The following PGAP6 variants were observed in gnomAD, a reference collection of about 807,000 sequenced individuals.
The protein encoded by PGAP6 is post-GPI attachment to proteins 6.
In PGAP6, 62 loss-of-function variants were observed where a neutral mutation model predicts 68.4. That is an observed-to-expected ratio of 0.91 (90% confidence interval 0.74 to 1.12). The LOEUF (loss-of-function observed/expected upper bound fraction) is 1.12. Among genes scored for constraint, PGAP6 ranks in the 50% most tolerant of loss-of-function variants. The probability of loss-of-function intolerance (pLI) is 0.00; values close to 1 mark genes in which losing one functional copy is unlikely to be tolerated. For synonymous variants in PGAP6, 575 were observed against 474.0 expected (o/e 1.21, Z -2.77); for missense variants, 1,188 against 1,068.5 (o/e 1.11, Z -1.56).
chr16:381,401 G>A (rs1351984902), intron 1 of PGAP6, among the ~76,000 whole-genome samples: 1 of 151,796 alleles, frequency 6.6e-6, no homozygotes, highest in Non-Finnish European at 1.5e-5. Context: ...CCACTTCCCC[G>A]CGCCGGGCGC....
chr16:382,093 G>GGC (rs1567327421), upstream of PGAP6: 4 of 364,550 alleles, frequency 1.1e-5, no homozygotes, highest in Middle Eastern at 7.1e-4. Flanking sequence ...GCGCCGGTAG[G>GGC]GGGGAGGGGT....
At chr16:372,944 G>A (rs1330494470) in intron 11 of PGAP6, among the ~76,000 whole-genome samples, 2 of 152,186 alleles carry the variant, frequency 1.3e-5, no homozygotes, top group African/African-American at 2.4e-5. Flanking sequence ...AATGTGGCCA[G>A]GCAGGCATCT....
intron 6 of PGAP6, among the ~76,000 whole-genome samples, chr16:375,819 C>T (rs550182383): frequency 2.6e-5 from 4 of 152,304 alleles, no homozygotes; most frequent in East Asian, 1.9e-4. Context: ...CGTGAGCCAC[C>T]GCGCCCGGCC....
At chr16:380,815 G>A (rs1032940583) in intron 1 of PGAP6, among the ~76,000 whole-genome samples, 2 of 152,160 alleles carry the variant, frequency 1.3e-5, no homozygotes, top group Admixed American at 6.5e-5. Context: ...GAGGGGCTGG[G>A]GGCCGGGAAG....
At chr16:384,644 A>G (rs1485672063), upstream of PGAP6, among the ~76,000 whole-genome samples, 1 of 151,992 alleles carries the variant, frequency 6.6e-6, no homozygotes, top group African/African-American at 2.4e-5. Flanking sequence ...TCACGAGGTC[A>G]GGAGATCGAG....
At chr16:380,858 C>T (rs1230601832) in intron 1 of PGAP6, among the ~76,000 whole-genome samples, 1 of 152,154 alleles carries the variant, frequency 6.6e-6, no homozygotes, top group Non-Finnish European at 1.5e-5. Context: ...CTGCCGGGCA[C>T]CTGGGCACCC....
rs2054442225 is a variant in PGAP6 at position 381,845 on chromosome 16, AC to A, written c.-25del. On this transcript the variant is annotated 5_prime_UTR_variant, in exon 1 of 13. An upstream open reading frame in the 5' UTR loses its in-frame stop. Coordinates refer to ENST00000431232, the MANE Select transcript of PGAP6 (RefSeq NM_021259.3). Reference sequence around the variant, plus strand: ...ATGGCTCCGCGCTCGGCCCGGCGCTACCCGGCCCGCGTCCCGCGCCGCCGGC... The same window carrying A: ...ATGGCTCCGCGCTCGGCCCGGCGCTACCGGCCCGCGTCCCGCGCCGCCGGC... The A allele has an allele frequency of 2.0e-6, 2 of 998,152 alleles. No homozygotes were observed. Among genetic ancestry groups the A allele is most frequent in the Non-Finnish European group, 2.4e-6 (2 of 839,758 alleles). The allele number at this position is 998,152 out of a possible 1,614,324, so 61.8% of individuals were successfully genotyped here.
At chr16:373,246 T>C (rs1214238426) in intron 11 of PGAP6, among the ~76,000 whole-genome samples, 3 of 152,194 alleles carry the variant, frequency 2.0e-5, no homozygotes, top group Admixed American at 6.5e-5. Flanking sequence ...GGGGCTCCCA[T>C]GGGCACCCCC....
At position 381,795 on chromosome 16, in the gene PGAP6, C is replaced by T. The variant is rs1249770230; in HGVS notation, c.27G>A (p.Gly9=). Residue 9 remains glycine, a synonymous_variant, in exon 1 of 13, where the codon GGG becomes GGA. Transcript: ENST00000431232. MGRAGTGT[G]GEAVAAVVAG... Reference sequence around the variant, plus strand: ...CCACCACCGCGGCCACCGCCTCGCCCCCGGTCCCGGTGCCAGCCCGGCCCA... The same window carrying T: ...CCACCACCGCGGCCACCGCCTCGCCTCCGGTCCCGGTGCCAGCCCGGCCCA... 8.7e-7 allele frequency: 1 copy of T among 1,153,720 alleles called. No individual in the cohort carries two copies. Among genetic ancestry groups the T allele is most frequent in the African/African-American group, 1.6e-5 (1 of 61,386 alleles). 71.5% of individuals were successfully genotyped at this position (1,153,720 alleles called of 1,614,324 possible).
At position 381,854 on chromosome 16, in the gene PGAP6, G is replaced by C; in HGVS notation, c.-33C>G. The C allele has an allele frequency of 1.0e-6, 1 of 986,496 alleles. No individual in the cohort carries two copies. Among genetic ancestry groups the C allele is most frequent in the Non-Finnish European group, 1.2e-6 (1 of 831,356 alleles). The allele number at this position is 986,496 out of a possible 1,614,324, so 61.1% of individuals were successfully genotyped here. ...CGCTCGGCCCGGCGCTACCCGGCCC[G>C]CGTCCCGCGCCGCCGGCCCCCGCCG... On this transcript the variant is annotated 5_prime_UTR_variant, in exon 1 of 13. Transcript: ENST00000431232.
intron 1 of PGAP6, among the ~76,000 whole-genome samples, chr16:379,433 T>G (rs890234505): frequency 1.3e-5 from 2 of 152,228 alleles, no homozygotes; most frequent in African/African-American, 4.8e-5. Flanking sequence ...CACTCCAGGC[T>G]TTCCAGGTGT....
upstream of PGAP6, among the ~76,000 whole-genome samples, chr16:386,357 C>T (rs957249466): frequency 5.3e-5 from 8 of 152,150 alleles, no homozygotes; most frequent in African/African-American, 1.9e-4. Context: ...GGACACTCTC[C>T]CAGGCTCTGC....
At chr16:378,163 GCCACCCGCA>G (rs2054403656) in intron 1 of PGAP6, among the ~76,000 whole-genome samples, 1 of 102,738 alleles carries the variant, frequency 9.7e-6, no homozygotes, top group African/African-American at 3.9e-5. Flanking sequence ...GACTGCCATC[GCCACCCGCA>G]CTGCCATCCC....
chr16:376,583 G>T lies in PGAP6; in HGVS notation c.865C>A (p.Leu289Ile). The T allele has an allele frequency of 6.3e-7, 1 of 1,575,156 alleles. No individual in the cohort carries two copies. The highest frequency in any genetic ancestry group is 8.6e-7 in the Non-Finnish European group (1 of 1,160,146). Residue 289 changes from leucine to isoleucine, a missense_variant, in exon 5 of 13, where the codon CTC (leucine) becomes ATC (isoleucine). By Grantham distance (5) the Leu-to-Ile change is conservative. Transcript: ENST00000431232. ...ACAGCACTGAAAGCCACTGTCCCGA[G>T]GGGCCCCACCAGGCTCTCAGCTGTC... is the stretch of plus-strand genomic sequence containing the variant. The part of the protein sequence containing the change: ...QVTAESLVGP[L>I]GTVAFSAVAA...
chr16:377,347 T>A (rs752944831), intron 3 of PGAP6, 31 bp downstream of exon 3: 1 of 1,561,394 alleles, frequency 6.4e-7, no homozygotes, highest in African/African-American at 1.4e-5. Context: ...CAAGGTTCTC[T>A]GCCTCCATCC....
chr16:378,265 GCC>G (rs2054406682), intron 1 of PGAP6, among the ~76,000 whole-genome samples: 9 of 142,514 alleles, frequency 6.3e-5, no homozygotes, highest in Non-Finnish European at 1.2e-4. Flanking sequence ...CACCCGCACT[GCC>G]ATCCCCACCC....
chr16:380,882 C>G (rs887788581), intron 1 of PGAP6, among the ~76,000 whole-genome samples: 4 of 152,136 alleles, frequency 2.6e-5, no homozygotes, highest in African/African-American at 9.7e-5. Context: ...TGGCTGGGGA[C>G]GTGTGGGAAC....
upstream of PGAP6, chr16:386,878 A>G: frequency 1.6e-6 from 1 of 643,642 alleles, no homozygotes; most frequent in Non-Finnish European, 2.9e-6. Context: ...ATAAAAAAGA[A>G]GACCCGCACG....
In PGAP6 at chr16:374,842, G is replaced by C. The variant is rs1252703122; in HGVS notation, c.1490C>G (p.Pro497Arg). The C allele has an allele frequency of 4.3e-6, 7 of 1,612,890 alleles. No individual in the cohort carries two copies. Among genetic ancestry groups the C allele is most frequent in the African/African-American group, 1.3e-5 (1 of 74,940 alleles). ...ATAGGGTCCACAATCGTTCAAACAG[G>C]GCACCAGGTACAAGGTGGTCTCCAC... is the stretch of plus-strand genomic sequence containing the variant. ...VHVETTLYLV[P>R]CLNDCGPYGQ... The change falls in exon 9 of 13, where the codon CCC becomes CGC. Residue 497 changes from proline (P) to arginine (R), a missense_variant. Physicochemically the swap from Pro to Arg is moderately radical, Grantham distance 103. Transcript: ENST00000431232.
Sources: gnomAD v4.1 joint callset for allele counts (sites outside exome capture counted in the v4.1 genomes callset) on GRCh38, gnomAD v4.1.1 for gene constraint, MANE v1.5 for transcripts, NCBI Gene and HGNC (gene_info 2026-07-23, HGNC 2026-07-21) for gene names.